The following RHAG variants were observed in gnomAD, a reference collection of about 807,000 sequenced individuals.
RHAG encodes the protein Rh associated glycoprotein, also known as ammonium transporter Rh type A.
In RHAG, 25 loss-of-function variants were observed where a neutral mutation model predicts 42.4. The observed-to-expected ratio is 0.59, with a 90% confidence interval of 0.43 to 0.82. The LOEUF (loss-of-function observed/expected upper bound fraction) is 0.82. RHAG is among the 40% of genes least tolerant of loss of function. The pLI is 0.00. For missense variants in RHAG, 483 were observed against 504.6 expected (o/e 0.96, Z 0.41); for synonymous variants, 182 against 177.7 (o/e 1.02, Z -0.19).
At chr6:49,612,761 T>A (rs763104193) in intron 5 of RHAG, among the ~76,000 whole-genome samples, 2 of 152,224 alleles carry the variant, frequency 1.3e-5, no homozygotes, top group Non-Finnish European at 2.9e-5. Context: ...AGTAATCAGC[T>A]TAACTCTTTA....
intron 1 of RHAG, among the ~76,000 whole-genome samples, chr6:49,621,831 T>G (rs1408514930): frequency 6.6e-6 from 1 of 152,196 alleles, no homozygotes; most frequent in Non-Finnish European, 1.5e-5. Context: ...GTGTCTTAGC[T>G]CTACAATTTA....
chr6:49,612,784 G>A (rs931546320), intron 5 of RHAG, among the ~76,000 whole-genome samples: 1 of 152,222 alleles, frequency 6.6e-6, no homozygotes, highest in African/African-American at 2.4e-5. Flanking sequence ...GCCAGTGGTG[G>A]AAGACATTTG....
chr6:49,627,028 C>T (rs1762855125), intron 1 of RHAG, among the ~76,000 whole-genome samples: 1 of 152,244 alleles, frequency 6.6e-6, no homozygotes, highest in Non-Finnish European at 1.5e-5. Context: ...AGCCATTTTT[C>T]CCTCTTAGGC....
At chr6:49,628,695 G>A (rs975367916) in intron 1 of RHAG, among the ~76,000 whole-genome samples, 1 of 151,902 alleles carries the variant, frequency 6.6e-6, no homozygotes, top group African/African-American at 2.4e-5. Context: ...CTGGCTTCAG[G>A]AGTGAAGCTG....
rs758540029 is a variant in RHAG, at chr6:49,615,693, G to A, written c.571C>T (p.Arg191Ter). The A allele has an allele frequency of 1.2e-6, 2 of 1,614,004 alleles. No homozygotes were observed. The highest frequency in any genetic ancestry group is 1.7e-6 in the Non-Finnish European group (2 of 1,179,966). The change falls in exon 4 of 10, where the codon CGA becomes TGA. Residue 191 changes from arginine (R) to a stop codon, truncating the protein, a stop_gained. Transcript: ENST00000371175. LOFTEE classifies it high-confidence loss of function. ...TCATGCCCCTTTCTCAGTCCAGATC[G>A]ATACAAGATGCCTGCTACAGCCAAG... Reference protein sequence around the residue: ...FGLAVAGILYRSGLRKGHENE... With the variant: ...FGLAVAGILY
In RHAG at chr6:49,612,537, G is replaced by A. The variant is rs1215251348; in HGVS notation, c.808-3C>T. ...AGGGTGGCATTCTGAATGTGAACCTGTGTGAGCGGCAGAAACATAAATGAG... is the reference window on the plus strand; with the variant it reads ...AGGGTGGCATTCTGAATGTGAACCTATGTGAGCGGCAGAAACATAAATGAG... On this transcript the variant is annotated splice_polypyrimidine_tract_variant and splice_region_variant and intron_variant, in intron 5 of 9. Coordinates refer to ENST00000371175, the MANE Select transcript of RHAG (RefSeq NM_000324.3). The A allele has an allele frequency of 6.2e-7, 1 of 1,613,904 alleles. No individual in the cohort carries two copies. The highest frequency in any genetic ancestry group is 1.7e-5 in the Admixed American group (1 of 60,000).
chr6:49,617,361 A>C (rs1448600642), intron 3 of RHAG, among the ~76,000 whole-genome samples: 1 of 152,176 alleles, frequency 6.6e-6, no homozygotes, highest in Admixed American at 6.5e-5. Flanking sequence ...TGCAATTTAT[A>C]ATAACATTTG....
rs1057120845 is a variant in RHAG, at chr6:49,605,545, T to G, written c.*268A>C. The G allele has an allele frequency of 9.4e-6, 5 of 529,938 alleles. No homozygotes were observed. Among genetic ancestry groups the G allele is most frequent in the Non-Finnish European group, 1.7e-5 (5 of 292,986 alleles). The allele number at this position is 529,938 out of a possible 1,614,324, so 32.8% of individuals were successfully genotyped here. A position where few individuals can be genotyped will look rare whatever the true frequency, so the allele number is the denominator to read the frequency against. On this transcript the variant is annotated 3_prime_UTR_variant, in exon 10 of 10. Transcript: ENST00000371175. The stretch of plus-strand genomic sequence containing the variant: ...AGCTTTTTGGGAATCCTGGAGAAGA[T>G]CTATTTGATTATCTGTTTTATGAGT...
intron 6 of RHAG, 68 bp from the exon 7 acceptor site, chr6:49,611,213 G>T: frequency 7.8e-7 from 1 of 1,288,744 alleles, no homozygotes; most frequent in Non-Finnish European, 1.1e-6. Flanking sequence ...CTGAAACAGA[G>T]CTATAGCTGG....
chr6:49,630,956 A>G (rs1018250490), intron 1 of RHAG, among the ~76,000 whole-genome samples: 12 of 152,250 alleles, frequency 7.9e-5, no homozygotes, highest in African/African-American at 2.6e-4. Flanking sequence ...GTTCTCTTAC[A>G]TGCTTTTCAT....
chr6:49,627,579 C>T (rs560483241), intron 1 of RHAG, among the ~76,000 whole-genome samples: 1 of 152,334 alleles, frequency 6.6e-6, no homozygotes, highest in Non-Finnish European at 1.5e-5. Context: ...CAGCATCCAA[C>T]TCTACCTGTA....
intron 1 of RHAG, among the ~76,000 whole-genome samples, chr6:49,628,123 TTG>T (rs914981272): frequency 2.3e-4 from 30 of 131,532 alleles, no homozygotes; most frequent in African/African-American, 8.2e-4. Context: ...ACCCAACACT[TTG>T]TGTGTGTGAG....
At chr6:49,626,781 C>T (rs989489079) in intron 1 of RHAG, among the ~76,000 whole-genome samples, 1 of 152,238 alleles carries the variant, frequency 6.6e-6, no homozygotes, top group Non-Finnish European at 1.5e-5. Flanking sequence ...CCAGGCACTT[C>T]CATACATCCT....
chr6:49,615,825 TG>T, intron 3 of RHAG, 54 bp from the exon 4 acceptor site: 1 of 1,562,018 alleles, frequency 6.4e-7, no homozygotes, highest in Non-Finnish European at 8.8e-7. Context: ...GACTCATTTA[TG>T]GGAGGAAAGT....
chr6:49,614,850 G>A lies in RHAG; in HGVS notation c.644C>T (p.Thr215Ile). The A allele has an allele frequency of 6.2e-7, 1 of 1,614,162 alleles. No homozygotes were observed. Among genetic ancestry groups the A allele is most frequent in the Non-Finnish European group, 8.5e-7 (1 of 1,179,992 alleles). ...YYSDLFAMIG[T>I]LFLWMFWPSF... ...GGGCCAAAACATCCACAGAAAGAGA[G>A]TCCCTGTAGTGAACCAAAAGAGGGG... The change falls in exon 5 of 10, where the codon ACT becomes ATT. Residue 215 changes from threonine to isoleucine, a missense_variant. Physicochemically the swap from Thr to Ile is moderately conservative, Grantham distance 89. Transcript: ENST00000371175.
chr6:49,612,130 A>T (rs576768312), intron 6 of RHAG, among the ~76,000 whole-genome samples: 1 of 152,252 alleles, frequency 6.6e-6, no homozygotes, highest in Non-Finnish European at 1.5e-5. Flanking sequence ...AGCAGTCCCA[A>T]AGGAAAGTAA....
intron 9 of RHAG, 100 bp downstream of exon 9, chr6:49,606,748 T>G: frequency 1.2e-6 from 1 of 861,860 alleles, no homozygotes; most frequent in South Asian, 1.4e-5. Context: ...CTAACTCAAT[T>G]TCATCACACC....
At chr6:49,623,575 C>T (rs187959080) in intron 1 of RHAG, among the ~76,000 whole-genome samples, 2 of 152,294 alleles carry the variant, frequency 1.3e-5, no homozygotes, top group Admixed American at 1.3e-4. Context: ...TGATTCTCAA[C>T]AAGAGGTAAT....
At chr6:49,612,256 G>C (rs968363087) in intron 6 of RHAG, 141 bp downstream of exon 6, 2 of 827,550 alleles carry the variant, frequency 2.4e-6, no homozygotes, top group Non-Finnish European at 4.0e-6. Context: ...AAATGGGAGT[G>C]GTATTTCCAA....
Sources: allele counts gnomAD v4.1 joint callset (sites outside exome capture counted in the v4.1 genomes callset), GRCh38; gene constraint gnomAD v4.1.1; transcripts MANE v1.5; gene names NCBI Gene and HGNC (gene_info 2026-07-23, HGNC 2026-07-21).